The following RHEB variants were observed in gnomAD, a reference collection of about 807,000 sequenced individuals.
The protein encoded by RHEB is Ras homolog, mTORC1 binding, also known as GTP-binding protein Rheb.
A neutral mutation model predicts 28.8 loss-of-function variants in RHEB; 2 were observed. That is an observed-to-expected ratio of 0.07 (90% CI 0.03 to 0.22). The LOEUF (loss-of-function observed/expected upper bound fraction) is 0.22. RHEB is among the 10% of genes least tolerant of loss of function. The pLI is 1.00. For missense variants in RHEB, 76 were observed against 219.9 expected (o/e 0.35, Z 4.14); for synonymous variants, 69 against 77.3 (o/e 0.89, Z 0.56).
At chr7:151,512,667 C>T (rs1468471202) in intron 1 of RHEB, among the ~76,000 whole-genome samples, 1 of 152,210 alleles carries the variant, frequency 6.6e-6, no homozygotes, top group Admixed American at 6.5e-5. Context: ...GGAGGCTCTT[C>T]TAACACTGTG....
chr7:151,471,363 T>G (rs757972892), intron 6 of RHEB, 31 bp downstream of exon 6: 1 of 1,365,834 alleles, frequency 7.3e-7, no homozygotes, highest in Non-Finnish European at 1.0e-6. Flanking sequence ...GACTAAATCA[T>G]CTTAGATTTG....
chr7:151,484,674 A>T, intron 3 of RHEB, 63 bp downstream of exon 3: 2 of 1,211,676 alleles, frequency 1.7e-6, no homozygotes, highest in East Asian at 2.3e-5. Context: ...TTTAAAAATC[A>T]GTGCTAGGAC....
chr7:151,515,372 A>C (rs561952360), intron 1 of RHEB, among the ~76,000 whole-genome samples: 2 of 152,356 alleles, frequency 1.3e-5, no homozygotes, highest in East Asian at 3.9e-4. Flanking sequence ...TAATGAGTAC[A>C]GAGTTTCTTT....
intron 1 of RHEB, among the ~76,000 whole-genome samples, chr7:151,513,340 C>T (rs1048670677): frequency 6.6e-6 from 1 of 152,112 alleles, no homozygotes; most frequent in Non-Finnish European, 1.5e-5. Flanking sequence ...AGAAACAAAA[C>T]AGTCAATTCA....
chr7:151,512,554 T>C (rs1435985853), intron 1 of RHEB, among the ~76,000 whole-genome samples: 1 of 152,214 alleles, frequency 6.6e-6, no homozygotes, highest in Non-Finnish European at 1.5e-5. Flanking sequence ...ATAACTCTCC[T>C]GATGTTCTCT....
intron 1 of RHEB, among the ~76,000 whole-genome samples, chr7:151,503,852 T>G (rs138960142): frequency 0.02 from 2,995 of 152,260 alleles, 104 homozygotes; most frequent in African/African-American, 0.068. Flanking sequence ...AGAAGTGAGA[T>G]CATACTGGTT....
In RHEB at chr7:151,484,584, G is replaced by A. The variant is rs76551388; in HGVS notation, c.192+153C>T. ...CGTAAAGATGAGAAATTGTTAAGTC[G>A]AGCCACTGCAAGCCAAACCATTGGG... On this transcript the variant is annotated intron_variant, in intron 3 of 7. Coordinates refer to ENST00000262187, the MANE Select transcript of RHEB (RefSeq NM_005614.4). 1.5e-3 allele frequency among the ~76,000 whole-genome samples: 230 copies of A among 152,088 alleles called. 1 individual carries two copies. The East Asian group carries it at 0.018, about 12-fold the overall frequency.
rs1253084117 is a variant in RHEB at position 151,502,548 on chromosome 7, C to T, written c.53-11534G>A. 111 of 1,042,658 alleles carry T rather than the reference C, an allele frequency of 1.1e-4. No homozygotes were observed. In the East Asian group the frequency reaches 2.0e-3, roughly 18 times the overall value. The allele number at this position is 1,042,658 out of a possible 1,614,324, so 64.6% of individuals were successfully genotyped here. The stretch of plus-strand genomic sequence containing the variant: ...TTTGAATCTTTCAAACCAATTAATA[C>T]GTCATTGTATTGTGTGACAACAAAT... On this transcript the variant is annotated intron_variant, in intron 1 of 7. Coordinates refer to ENST00000262187, the MANE Select transcript of RHEB (RefSeq NM_005614.4).
In RHEB at chr7:151,470,930, G is replaced by A. The variant is rs1802151408; in HGVS notation, c.381-278C>T. Among the ~76,000 whole-genome samples the A allele has an allele frequency of 5.3e-5, 8 of 152,340 alleles. 1 individual carries two copies. In the Middle Eastern group the frequency reaches 0.017, roughly 324 times the overall value. ...CTTATTTTCCAGTACTCCCGTATCT[G>A]TAACAATTGACTATTTTACAGCTAG... On this transcript the variant is annotated intron_variant, in intron 6 of 7. Transcript: ENST00000262187.
At chr7:151,467,952 C>T (rs1802095616) in intron 7 of RHEB, among the ~76,000 whole-genome samples, 2 of 152,152 alleles carry the variant, frequency 1.3e-5, no homozygotes, top group Non-Finnish European at 2.9e-5. Context: ...GTTGCCCAGG[C>T]TGGCCTCGAA....
intron 3 of RHEB, among the ~76,000 whole-genome samples, chr7:151,482,320 C>T (rs2150925292): frequency 6.6e-6 from 1 of 152,330 alleles, no homozygotes; most frequent in South Asian, 2.1e-4. Flanking sequence ...TCACAGCTCA[C>T]TGCAACCTCA....
At chr7:151,486,873 T>C (rs1401266561) in intron 2 of RHEB, among the ~76,000 whole-genome samples, 1 of 152,174 alleles carries the variant, frequency 6.6e-6, no homozygotes, top group Non-Finnish European at 1.5e-5. Flanking sequence ...AGAGTCAGGA[T>C]GACTCCAAAG....
At chr7:151,501,364 T>C (rs2150934197) in intron 1 of RHEB, among the ~76,000 whole-genome samples, 1 of 152,362 alleles carries the variant, frequency 6.6e-6, no homozygotes, top group African/African-American at 2.4e-5. Flanking sequence ...AACATCATTA[T>C]CCATTAGGGA....
intron 1 of RHEB, among the ~76,000 whole-genome samples, chr7:151,518,613 G>A (rs572463857): frequency 6.6e-6 from 1 of 152,046 alleles, no homozygotes; most frequent in African/African-American, 2.4e-5. Flanking sequence ...CACCCCGTCC[G>A]CCCCCCAACC....
chr7:151,498,082 T>C (rs1802705004), intron 1 of RHEB: 3 of 1,282,848 alleles, frequency 2.3e-6, no homozygotes, highest in Non-Finnish European at 3.1e-6. Context: ...AGCTCCATTT[T>C]ACTCACCTAA....
intron 3 of RHEB, among the ~76,000 whole-genome samples, chr7:151,482,478 G>T (rs541857505): frequency 6.6e-6 from 1 of 152,288 alleles, no homozygotes; most frequent in South Asian, 2.1e-4. Flanking sequence ...TAACCCCAGG[G>T]CCCACACTCC....
At chr7:151,519,292 C>G in intron 1 of RHEB, 168 bp downstream of exon 1, 1 of 367,526 alleles carries the variant, frequency 2.7e-6, no homozygotes, top group Non-Finnish European at 4.3e-6. Flanking sequence ...GCGGACGCCG[C>G]CCCGACCGCC....
At chr7:151,475,290 A>T (rs1802253373) in intron 4 of RHEB, among the ~76,000 whole-genome samples, 1 of 152,248 alleles carries the variant, frequency 6.6e-6, no homozygotes. Flanking sequence ...AAATCAGTGG[A>T]TGCACTAAGA....
chr7:151,483,497 T>A (rs1201172386), intron 3 of RHEB, among the ~76,000 whole-genome samples: 1 of 152,090 alleles, frequency 6.6e-6, no homozygotes, highest in African/African-American at 2.4e-5. Context: ...GGCAGGTGAA[T>A]CACCTGAGGT....
Sources: allele counts gnomAD v4.1 joint callset (sites outside exome capture counted in the v4.1 genomes callset), GRCh38; gene constraint gnomAD v4.1.1; transcripts MANE v1.5; gene names NCBI Gene and HGNC (gene_info 2026-07-23, HGNC 2026-07-21).